ITPR2: variants seen among roughly 807,000 people sequenced by gnomAD.
ITPR2 encodes the protein inositol 1,4,5-trisphosphate-gated calcium channel ITPR2.
A neutral mutation model predicts 317.1 loss-of-function variants in ITPR2; 207 were observed. That is an observed-to-expected ratio of 0.65 (90% CI 0.58 to 0.73). The LOEUF is 0.73. Among genes scored for constraint, ITPR2 ranks in the 30% least tolerant of loss-of-function variants. ITPR2 has a pLI of 0.00. For synonymous variants in ITPR2, 1,156 were observed against 1,149.1 expected, an observed-to-expected ratio of 1.01 and a Z score of -0.12; for missense variants, 2,613 against 3,284.0, an observed-to-expected ratio of 0.80 and a Z score of 4.99.
intron 28 of ITPR2, among the ~76,000 whole-genome samples, chr12:26,600,331 A>G (rs189286694): frequency 1.7e-4 from 25 of 150,848 alleles, no homozygotes; most frequent in Admixed American, 1.6e-3. Flanking sequence ...TCCTGATTCT[A>G]TTCTGCTCTA....
At chr12:26,807,593 C>A (rs1565780808) in intron 1 of ITPR2, among the ~76,000 whole-genome samples, 1 of 152,204 alleles carries the variant, frequency 6.6e-6, no homozygotes, top group Non-Finnish European at 1.5e-5. Context: ...CACAAGATTC[C>A]TATAATGCTC....
chr12:26,585,125 G>A (rs892450507), intron 32 of ITPR2, among the ~76,000 whole-genome samples: 1 of 152,010 alleles, frequency 6.6e-6, no homozygotes. Context: ...ATGGAAAAAT[G>A]AAAATTACTT....
intron 26 of ITPR2, among the ~76,000 whole-genome samples, chr12:26,605,120 A>ATATATATATATAT (rs1946098101): frequency 5.8e-5 from 6 of 104,242 alleles, no homozygotes; most frequent in Admixed American, 3.7e-4. Flanking sequence ...AAAAATAAAA[A>ATATATATATATAT]ATAAAAATAT....
Position 26,486,176 on chromosome 12 carries a change from G to A in ITPR2, c.5739C>T (p.Pro1913=), listed in dbSNP as rs774222784. The A allele has an allele frequency of 5.5e-5, 88 of 1,614,020 alleles. No homozygotes were observed. Among genetic ancestry groups the A allele is most frequent in the South Asian group, 5.4e-4 (49 of 91,076 alleles). The change falls in exon 41 of 57, where the codon CCC becomes CCT. Residue 1913 remains proline, a synonymous_variant. Transcript: ENST00000381340. ...GTATTGGCTGCATGATGGCAATTGC[G>A]GGACTCATTGTTACTTCCTCTGCGG... The part of the protein sequence containing the change: ...EKSAEEVTMS[P]AIAIMQPILR...
chr12:26,543,995 A>G (rs1416488495), intron 37 of ITPR2, among the ~76,000 whole-genome samples: 10 of 152,180 alleles, frequency 6.6e-5, no homozygotes, highest in African/African-American at 2.2e-4. Context: ...TTGCTTTTCT[A>G]TCACAGTCAC....
intron 52 of ITPR2, among the ~76,000 whole-genome samples, chr12:26,408,102 G>A (rs1940416452): frequency 6.6e-6 from 1 of 152,162 alleles, no homozygotes; most frequent in Admixed American, 6.5e-5. Context: ...TCATACCACT[G>A]TTAGTAATAC....
intron 26 of ITPR2, among the ~76,000 whole-genome samples, chr12:26,615,370 T>C (rs754737817): frequency 6.6e-6 from 1 of 152,088 alleles, no homozygotes; most frequent in Admixed American, 6.5e-5. Flanking sequence ...TAAAAAAATA[T>C]AGTGGCTGAA....
chr12:26,404,756 G>T (rs1276288912), intron 52 of ITPR2, among the ~76,000 whole-genome samples: 2 of 152,170 alleles, frequency 1.3e-5, no homozygotes, highest in African/African-American at 4.8e-5. Context: ...AACAGATGAT[G>T]ACAAGGAAAA....
At chr12:26,695,033 A>G (rs897348518) in intron 10 of ITPR2, among the ~76,000 whole-genome samples, 1 of 152,244 alleles carries the variant, frequency 6.6e-6, no homozygotes, top group African/African-American at 2.4e-5. Flanking sequence ...CATGTTAATT[A>G]AACATTCCAA....
At chr12:26,374,671 T>G (rs1321646788) in intron 55 of ITPR2, among the ~76,000 whole-genome samples, 1 of 152,228 alleles carries the variant, frequency 6.6e-6, no homozygotes, top group Non-Finnish European at 1.5e-5. Context: ...TGATTGTGTT[T>G]AATCCACACA....
intron 37 of ITPR2, among the ~76,000 whole-genome samples, chr12:26,498,997 G>A (rs1313023921): frequency 6.6e-6 from 1 of 152,084 alleles, no homozygotes; most frequent in Non-Finnish European, 1.5e-5. Context: ...CCTGGCCCTG[G>A]AAGAATCTTT....
chr12:26,784,639 C>G (rs1171593805), intron 2 of ITPR2, among the ~76,000 whole-genome samples: 3 of 151,788 alleles, frequency 2.0e-5, no homozygotes, highest in South Asian at 2.1e-4. Flanking sequence ...CTTGTTCACT[C>G]GGTGCTCAAT....
chr12:26,640,669 T>C (rs777808964), intron 21 of ITPR2, among the ~76,000 whole-genome samples: 2 of 152,182 alleles, frequency 1.3e-5, no homozygotes, highest in Non-Finnish European at 2.9e-5. Context: ...TAGAGTCTTC[T>C]ATAAGTCTAT....
At chr12:26,602,549 A>T in intron 27 of ITPR2, 54 bp from the exon 28 acceptor site, 1 of 1,571,954 alleles carries the variant, frequency 6.4e-7, no homozygotes, top group South Asian at 1.1e-5. Context: ...TATTAAGTAT[A>T]ATATATAAGC....
chr12:26,454,407 T>C (rs775665066), intron 45 of ITPR2, among the ~76,000 whole-genome samples: 20 of 152,232 alleles, frequency 1.3e-4, no homozygotes, highest in Middle Eastern at 3.4e-3. Context: ...GGTTTCACCA[T>C]ATTGGCCAGG....
chr12:26,740,181 G>A (rs1193480925), intron 2 of ITPR2, among the ~76,000 whole-genome samples: 2 of 152,168 alleles, frequency 1.3e-5, no homozygotes, highest in Non-Finnish European at 2.9e-5. Flanking sequence ...ATTTCAATTT[G>A]AAGAAAAGAA....
At chr12:26,608,110 G>A (rs1317522192) in intron 26 of ITPR2, among the ~76,000 whole-genome samples, 1 of 152,054 alleles carries the variant, frequency 6.6e-6, no homozygotes, top group African/African-American at 2.4e-5. Context: ...GACAGAGTGA[G>A]ACTCTGTTTC....
chr12:26,669,463 G>A (rs2136932810), intron 13 of ITPR2, among the ~76,000 whole-genome samples: 1 of 152,266 alleles, frequency 6.6e-6, no homozygotes, highest in East Asian at 1.9e-4. Flanking sequence ...AGTGTCAAAT[G>A]AGAAAAAACA....
intron 37 of ITPR2, among the ~76,000 whole-genome samples, chr12:26,543,661 C>T (rs1270529626): frequency 1.3e-5 from 2 of 152,086 alleles, no homozygotes; most frequent in South Asian, 2.1e-4. Flanking sequence ...CCCAGCTACT[C>T]GGAAGGCTGA....
Sources: allele counts gnomAD v4.1 joint callset (sites outside exome capture counted in the v4.1 genomes callset), GRCh38; gene constraint gnomAD v4.1.1; transcripts MANE v1.5; gene names NCBI Gene and HGNC (gene_info 2026-07-23, HGNC 2026-07-21).